The following TLL1 variants were observed in gnomAD, a reference collection of about 807,000 sequenced individuals.
The protein encoded by TLL1 is tolloid like 1, also known as tolloid-like protein 1.
TLL1 carries 49 observed loss-of-function variants against 128.2 expected under a neutral mutation model. The observed-to-expected ratio is 0.38, with a 90% CI of 0.30 to 0.48. TLL1 has a LOEUF of 0.48. Among genes scored for constraint, TLL1 ranks in the 20% least tolerant of loss-of-function variants. The probability of loss-of-function intolerance (pLI) is 0.96; values close to 1 mark genes in which losing one functional copy is unlikely to be tolerated. For synonymous variants in TLL1, 454 were observed against 418.8 expected, an observed-to-expected ratio of 1.08 and a Z score of -1.03; for missense variants, 1,123 against 1,242.0, an observed-to-expected ratio of 0.90 and a Z score of 1.44.
At chr4:165,931,527 C>T (rs1429155046) in intron 1 of TLL1, among the ~76,000 whole-genome samples, 1 of 151,596 alleles carries the variant, frequency 6.6e-6, no homozygotes, top group Non-Finnish European at 1.5e-5. Context: ...GACCTCCTGG[C>T]CAACACGGTG....
chr4:166,103,679 G>A lies in TLL1; in HGVS notation c.*2803G>A, dbSNP rs1742385342. 6.6e-6 allele frequency: 1 copy of A among 151,740 alleles called. No homozygotes were observed. Among genetic ancestry groups the A allele is most frequent in the Non-Finnish European group, 1.5e-5 (1 of 67,830 alleles). The allele number at this position is 151,740 out of a possible 1,614,324, so 9.4% of individuals were successfully genotyped here. A position where few individuals can be genotyped will look rare whatever the true frequency, so the allele number is the denominator to read the frequency against. The stretch of plus-strand genomic sequence containing the variant: ...TTAATTCAACATTTGCCTTAAGTGT[G>A]TTGTTAAATGAAAGTACAGACAGCT... On this transcript the variant is annotated 3_prime_UTR_variant, in exon 21 of 21. Coordinates refer to ENST00000061240, the MANE Select transcript of TLL1 (RefSeq NM_012464.5).
chr4:165,893,762 T>C (rs945957709), intron 1 of TLL1, among the ~76,000 whole-genome samples: 7 of 151,556 alleles, frequency 4.6e-5, no homozygotes, highest in African/African-American at 1.7e-4. Flanking sequence ...GAGCGTCACA[T>C]AGAATATTGA....
At chr4:165,980,201 C>A (rs1378094356) in intron 1 of TLL1, among the ~76,000 whole-genome samples, 1 of 148,268 alleles carries the variant, frequency 6.7e-6, no homozygotes, top group Non-Finnish European at 1.5e-5. Flanking sequence ...TCTGAGTGTC[C>A]AGTCCCCTTA....
chr4:165,946,309 T>C (rs559167861), intron 1 of TLL1, among the ~76,000 whole-genome samples: 4 of 151,986 alleles, frequency 2.6e-5, no homozygotes, highest in Middle Eastern at 6.8e-3. Flanking sequence ...AGTTGTGAGA[T>C]AAATAATGTG....
intron 1 of TLL1, among the ~76,000 whole-genome samples, chr4:165,909,097 C>A (rs1411661840): frequency 6.6e-6 from 1 of 151,906 alleles, no homozygotes; most frequent in Non-Finnish European, 1.5e-5. Flanking sequence ...TGAGGCAGGA[C>A]AACCACTTGA....
At chr4:165,891,424 G>A (rs1731397138) in intron 1 of TLL1, among the ~76,000 whole-genome samples, 1 of 152,030 alleles carries the variant, frequency 6.6e-6, no homozygotes, top group Admixed American at 6.6e-5. Context: ...CCAATTCCAA[G>A]CCATATCTTT....
At chr4:165,963,892 G>A (rs1013986926) in intron 1 of TLL1, among the ~76,000 whole-genome samples, 37 of 152,106 alleles carry the variant, frequency 2.4e-4, no homozygotes, top group African/African-American at 8.7e-4. Flanking sequence ...TATCAGTTCA[G>A]CTGCACGTTA....
chr4:166,014,531 C>T lies in TLL1; in HGVS notation c.1013C>T (p.Ala338Val). ...ACCCGTCTAAGCAAAGGAGATATCG[C>T]ACAGGCAAGAAAGCTGTATAGATGT... Reference protein sequence around the residue: ...QRTRLSKGDIAQARKLYRCPA... With the variant: ...QRTRLSKGDIVQARKLYRCPA... Residue 338 changes from alanine (A) to valine (V), a missense_variant, in exon 8 of 21, where the codon GCA becomes GTA. Physicochemically the swap from Ala to Val is moderately conservative, Grantham distance 64. Transcript: ENST00000061240. 6.2e-7 allele frequency: 1 copy of T among 1,612,226 alleles called. No individual in the cohort carries two copies. The highest frequency in any genetic ancestry group is 8.5e-7 in the Non-Finnish European group (1 of 1,178,682).
rs184620605 is a variant in TLL1 at position 165,962,255 on chromosome 4, G to A, written c.170-27126G>A. 6.6e-5 allele frequency among the ~76,000 whole-genome samples: 10 copies of A among 152,220 alleles called. 1 individual carries two copies. In the East Asian group the frequency reaches 1.4e-3, roughly 21 times the overall value. On this transcript the variant is annotated intron_variant, in intron 1 of 20. Coordinates refer to ENST00000061240, the MANE Select transcript of TLL1 (RefSeq NM_012464.5). The stretch of plus-strand genomic sequence containing the variant: ...AAATAAATAACTCCATTAATATGTG[G>A]GCAAAGGACATTAACAGACACTTCT...
At chr4:166,100,599 G>A (rs572826976) in intron 20 of TLL1, 143 bp from the exon 21 acceptor site, 3 of 1,107,072 alleles carry the variant, frequency 2.7e-6, no homozygotes, top group Admixed American at 3.7e-5. Flanking sequence ...AAGTGAAGAA[G>A]TTGATTACAC....
chr4:165,928,994 C>T (rs769577604), intron 1 of TLL1, among the ~76,000 whole-genome samples: 13 of 152,094 alleles, frequency 8.5e-5, no homozygotes, highest in Admixed American at 3.9e-4. Context: ...TGATTTAATT[C>T]ACAAACTCAG....
intron 17 of TLL1, 92 bp from the exon 18 acceptor site, chr4:166,077,811 T>G (rs1741103035): frequency 6.3e-7 from 1 of 1,579,072 alleles, no homozygotes; most frequent in Admixed American, 1.7e-5. Context: ...GGAAAATCTT[T>G]CAACAGGGCA....
At chr4:166,081,134 C>A (rs1296818347) in intron 18 of TLL1, among the ~76,000 whole-genome samples, 1 of 152,118 alleles carries the variant, frequency 6.6e-6, no homozygotes, top group Non-Finnish European at 1.5e-5. Flanking sequence ...TTTTCAGTCT[C>A]CTAGTGGTAG....
chr4:166,013,035 G>A (rs1043236750), intron 7 of TLL1, among the ~76,000 whole-genome samples: 1 of 151,670 alleles, frequency 6.6e-6, no homozygotes, highest in Non-Finnish European at 1.5e-5. Flanking sequence ...CATTTTAGGG[G>A]TCCTCTCATT....
At chr4:165,956,656 G>A (rs570773327) in intron 1 of TLL1, among the ~76,000 whole-genome samples, 1 of 131,448 alleles carries the variant, frequency 7.6e-6, no homozygotes, top group African/African-American at 4.0e-5. Flanking sequence ...TCAAACACAC[G>A]TTTTACAATC....
chr4:165,914,594 A>T lies in TLL1; in HGVS notation c.169+40521A>T, dbSNP rs185346430. On this transcript the variant is annotated intron_variant, in intron 1 of 20. Coordinates refer to ENST00000061240, the MANE Select transcript of TLL1 (RefSeq NM_012464.5). ...AGTAGCTCTTTCTTCACAGATAAAG[A>T]CTTTTATTATGTCTAGCATAGCAAA... Among the ~76,000 whole-genome samples the T allele has an allele frequency of 2.7e-3, 417 of 152,270 alleles. 6 individuals carry two copies. Among genetic ancestry groups the T allele is most frequent in the Non-Finnish European group, 7.6e-4 (52 of 68,020 alleles).
At position 165,970,303 on chromosome 4, in the gene TLL1, T is replaced by A. The variant is rs1735576328; in HGVS notation, c.170-19078T>A. 2.0e-5 allele frequency among the ~76,000 whole-genome samples: 3 copies of A among 152,190 alleles called. No homozygotes were observed. In the South Asian group the frequency reaches 6.2e-4, roughly 31 times the overall value. On this transcript the variant is annotated intron_variant, in intron 1 of 20. Coordinates refer to ENST00000061240, the MANE Select transcript of TLL1 (RefSeq NM_012464.5). The stretch of plus-strand genomic sequence containing the variant: ...TCTTGTGGAACCTTTTTTTCTTTGA[T>A]TTCTAACAAAATCAGGAAGGAATAT...
chr4:165,928,077 G>A (rs1225953610), intron 1 of TLL1, among the ~76,000 whole-genome samples: 1 of 152,144 alleles, frequency 6.6e-6, no homozygotes, highest in Non-Finnish European at 1.5e-5. Context: ...GGAGTCGAAA[G>A]CCATGCATTG....
At chr4:165,880,472 G>T (rs1231429120) in intron 1 of TLL1, among the ~76,000 whole-genome samples, 1 of 152,192 alleles carries the variant, frequency 6.6e-6, no homozygotes. Context: ...TTCTTTGAAT[G>T]ATAGTAATTT....
Sources: allele counts gnomAD v4.1 joint callset (sites outside exome capture counted in the v4.1 genomes callset), GRCh38; gene constraint gnomAD v4.1.1; transcripts MANE v1.5; gene names NCBI Gene and HGNC (gene_info 2026-07-23, HGNC 2026-07-21).